The following LARP7 variants were observed in gnomAD, a reference collection of about 807,000 sequenced individuals.
LARP7 encodes la-related protein 7.
LARP7 carries 52 observed loss-of-function variants against 69.3 expected under a neutral mutation model. That is an observed-to-expected ratio of 0.75 (90% confidence interval 0.60 to 0.95). The LOEUF is 0.95. Among genes scored for constraint, LARP7 ranks in the 40% least tolerant of loss-of-function variants. The pLI, the probability that LARP7 is intolerant of heterozygous loss-of-function variation, is 0.00. For synonymous variants in LARP7, 254 were observed against 215.9 expected (o/e 1.18, Z -1.55); for missense variants, 733 against 673.0 (o/e 1.09, Z -0.99).
At position 112,646,345 on chromosome 4, in the gene LARP7, C is replaced by A. The variant is rs767567546; in HGVS notation, c.203-6C>A. 2 of 1,333,244 alleles carry A rather than the reference C, an allele frequency of 1.5e-6. No individual in the cohort carries two copies. Among genetic ancestry groups the A allele is most frequent in the Non-Finnish European group, 2.1e-6 (2 of 937,856 alleles). 82.6% of individuals were successfully genotyped at this position (1,333,244 alleles called of 1,614,324 possible). On this transcript the variant is annotated splice_region_variant and splice_polypyrimidine_tract_variant and intron_variant, in intron 2 of 12. Coordinates refer to ENST00000344442, the MANE Select transcript of LARP7 (RefSeq NM_016648.4). ...ACTAACATATTAACTTTTTCATTTTCTTTAGATGTTGATATATCACTACTT... is the reference window on the plus strand; with the variant it reads ...ACTAACATATTAACTTTTTCATTTTATTTAGATGTTGATATATCACTACTT...
rs1361326970 is a variant in LARP7, at chr4:112,646,692, C to T, written c.387+21C>T. On this transcript the variant is annotated intron_variant, in intron 4 of 12. Coordinates refer to ENST00000344442, the MANE Select transcript of LARP7 (RefSeq NM_016648.4). ...ATGTGGTAAGCTTAAGAACCCGGGT[C>T]CCCAGTCAGAAACTGGCACAGAAAC... 3.2e-6 allele frequency: 5 copies of T among 1,571,146 alleles called. No homozygotes were observed. In the South Asian group the frequency reaches 3.5e-5, roughly 11 times the overall value.
Position 112,647,510 on chromosome 4 carries a change from A to G in LARP7, c.958A>G (p.Ile320Val), listed in dbSNP as rs1194886433. Residue 320 changes from isoleucine (I) to valine (V), a missense_variant, in exon 7 of 13, where the codon ATC becomes GTC. Coordinates refer to ENST00000344442, the MANE Select transcript of LARP7 (RefSeq NM_016648.4). ...SKVKKIIQKD[I>V]IKEASEASKE... ...AGTAAAGAAAATTATTCAGAAAGAC[A>G]TCATTAAGGAAGCATCAGAAGCTTC... The G allele has an allele frequency of 4.3e-6, 7 of 1,612,686 alleles. No homozygotes were observed. The highest frequency in any genetic ancestry group is 1.7e-5 in the Admixed American group (1 of 59,790).
At chr4:112,649,931 A>G (rs1273065579) in intron 9 of LARP7, 2 of 272,348 alleles carry the variant, frequency 7.3e-6, no homozygotes, top group African/African-American at 2.3e-5. Context: ...TTCATCAAGC[A>G]CATGAGTGCA....
In LARP7 at chr4:112,644,810, G is replaced by T. The variant is rs373448853; in HGVS notation, c.141G>T (p.Gly47=). The change falls in exon 2 of 13, where the codon GGG becomes GGT. Residue 47 remains glycine, a synonymous_variant. Coordinates refer to ENST00000344442, the MANE Select transcript of LARP7 (RefSeq NM_016648.4). ...CTAAGCAAGTGGACTTCTGGTTTGGGGATGCAAATCTTCACAAGGATAGAT... is the reference window on the plus strand; with the variant it reads ...CTAAGCAAGTGGACTTCTGGTTTGGTGATGCAAATCTTCACAAGGATAGAT... ...DIAKQVDFWF[G]DANLHKDRFL... is the part of the protein sequence containing the mutation. 667 of 1,608,396 alleles carry T rather than the reference G, an allele frequency of 4.1e-4. No homozygotes were observed. Among genetic ancestry groups the T allele is most frequent in the South Asian group, 8.8e-4 (80 of 90,540 alleles).
chr4:112,640,823 C>T (rs1013443098), intron 1 of LARP7, among the ~76,000 whole-genome samples: 2 of 152,060 alleles, frequency 1.3e-5, no homozygotes, highest in Non-Finnish European at 2.9e-5. Context: ...TTAGATTGAG[C>T]GGAAAGAGGT....
intron 9 of LARP7, chr4:112,649,897 ATAAC>A (rs2048634077): frequency 3.0e-6 from 1 of 334,086 alleles, no homozygotes; most frequent in Non-Finnish European, 5.4e-6. Context: ...AATTTTTTAA[ATAAC>A]CTGAGTTTTC....
chr4:112,644,639 T>C (rs766005986), intron 1 of LARP7, 29 bp from the exon 2 acceptor site: 2 of 1,506,962 alleles, frequency 1.3e-6, no homozygotes, highest in Non-Finnish European at 9.1e-7. Flanking sequence ...GTGATTTAAA[T>C]ATTTACATCT....
Position 112,646,385 on chromosome 4 carries a change from A to C in LARP7, c.237A>C (p.Lys79Asn). The change falls in exon 3 of 13, where the codon AAA (lysine) becomes AAC (asparagine). Residue 79 changes from lysine (K) to asparagine (N), a missense_variant. By Grantham distance (94) the Lys-to-Asn change is moderately conservative. Transcript: ENST00000344442. ...VDISLLVSFN[K>N]MKKLTTDGKL... ...TATCACTACTTGTGTCTTTTAACAAAATGAAAAAATTGACTACTGATGGGA... is the reference window on the plus strand; with the variant it reads ...TATCACTACTTGTGTCTTTTAACAACATGAAAAAATTGACTACTGATGGGA... 6.3e-7 allele frequency: 1 copy of C among 1,596,024 alleles called. No individual in the cohort carries two copies. The highest frequency in any genetic ancestry group is 8.6e-7 in the Non-Finnish European group (1 of 1,164,996).
At chr4:112,641,214 C>T (rs976070988) in intron 1 of LARP7, among the ~76,000 whole-genome samples, 1 of 151,958 alleles carries the variant, frequency 6.6e-6, no homozygotes, top group East Asian at 1.9e-4. Flanking sequence ...GATGAAACCC[C>T]GTCTCTACTA....
chr4:112,646,386 A>C lies in LARP7; in HGVS notation c.238A>C (p.Met80Leu), dbSNP rs779730827. The C allele has an allele frequency of 7.5e-6, 12 of 1,596,978 alleles. No homozygotes were observed. In the African/African-American group the frequency reaches 1.5e-4, roughly 20 times the overall value. Reference sequence around the variant, plus strand: ...ATCACTACTTGTGTCTTTTAACAAAATGAAAAAATTGACTACTGATGGGAA... The same window carrying C: ...ATCACTACTTGTGTCTTTTAACAAACTGAAAAAATTGACTACTGATGGGAA... ...DISLLVSFNKMKKLTTDGKLI... is the reference protein window; with the variant it reads ...DISLLVSFNKLKKLTTDGKLI... Residue 80 changes from methionine (M) to leucine (L), a missense_variant, in exon 3 of 13, where the codon ATG becomes CTG. Physicochemically the swap from Met to Leu is conservative, Grantham distance 15. Transcript: ENST00000344442.
Position 112,644,865 on chromosome 4 carries a change from G to A in LARP7, c.196G>A (p.Asp66Asn). The A allele has an allele frequency of 6.4e-7, 1 of 1,563,456 alleles. No homozygotes were observed. The highest frequency in any genetic ancestry group is 8.7e-7 in the Non-Finnish European group (1 of 1,151,410). The change falls in exon 2 of 13, where the codon GAT becomes AAT. Residue 66 changes from aspartate to asparagine, a missense_variant. Coordinates refer to ENST00000344442, the MANE Select transcript of LARP7 (RefSeq NM_016648.4). The stretch of plus-strand genomic sequence containing the variant: ...TCGAGAACAGATAGAAAAATCTAGA[G>A]ATGGATGTAAGTTTGCTTCAGTAAA... The part of the protein sequence containing the change: ...FLREQIEKSR[D>N]GYVDISLLVS...
intron 10 of LARP7, among the ~76,000 whole-genome samples, chr4:112,651,190 C>G (rs938774924): frequency 6.6e-6 from 1 of 152,168 alleles, no homozygotes; most frequent in African/African-American, 2.4e-5. Context: ...GTGAAATGCT[C>G]TGTAACATAC....
Position 112,649,679 on chromosome 4 carries a change from T to A in LARP7, c.1287T>A (p.Asn429Lys), listed in dbSNP as rs1560943704. The stretch of plus-strand genomic sequence containing the variant: ...TACCTCAAAACACTGGAATGAAAAA[T>A]GAAAAAAGTAAAGATCACTGATAGT... ...SGVPQNTGMK[N>K]EKTANREECR... The change falls in exon 9 of 13, where the codon AAT becomes AAA. Residue 429 changes from asparagine to lysine, a missense_variant. Coordinates refer to ENST00000344442, the MANE Select transcript of LARP7 (RefSeq NM_016648.4). 5.0e-6 allele frequency: 8 copies of A among 1,584,424 alleles called. No homozygotes were observed. The Admixed American group carries it at 7.4e-5, about 15-fold the overall frequency.
At chr4:112,656,915 A>C (rs1355759801) in intron 12 of LARP7, among the ~76,000 whole-genome samples, 2 of 152,128 alleles carry the variant, frequency 1.3e-5, no homozygotes, top group Non-Finnish European at 2.9e-5. Flanking sequence ...TTTTTTCTCA[A>C]GGAAGCTTTT....
intron 6 of LARP7, 27 bp downstream of exon 6, chr4:112,647,154 G>C: frequency 2.5e-6 from 4 of 1,596,784 alleles, no homozygotes; most frequent in East Asian, 2.2e-5. Flanking sequence ...ATTTAAATAG[G>C]TGTAGTTGAA....
intron 12 of LARP7, among the ~76,000 whole-genome samples, chr4:112,656,397 CA>C (rs1299479943): frequency 2.0e-5 from 3 of 150,892 alleles, no homozygotes; most frequent in African/African-American, 7.3e-5. Context: ...GACTCTGTCT[CA>C]AAAAAACGAA....
At chr4:112,643,965 A>T (rs551230189) in intron 1 of LARP7, among the ~76,000 whole-genome samples, 39 of 150,916 alleles carry the variant, frequency 2.6e-4, no homozygotes, top group Non-Finnish European at 7.4e-5. Flanking sequence ...CAAAATTGCC[A>T]GGCGCGGCGG....
chr4:112,646,978 A>AG (rs1560931145), intron 5 of LARP7, 23 bp downstream of exon 5: 17 of 1,575,356 alleles, frequency 1.1e-5, no homozygotes, highest in Non-Finnish European at 1.5e-5. Flanking sequence ...CCTAAAAAAA[A>AG]AAAAAGAAAG....
intron 2 of LARP7, chr4:112,645,642 C>T (rs1484194301): frequency 2.2e-6 from 1 of 454,428 alleles, no homozygotes; most frequent in South Asian, 1.6e-5. Flanking sequence ...CCATCAGCCT[C>T]CCCAGTAGCT....
Sources: gnomAD v4.1 joint callset for allele counts (sites outside exome capture counted in the v4.1 genomes callset) on GRCh38, gnomAD v4.1.1 for gene constraint, MANE v1.5 for transcripts, NCBI Gene and HGNC (gene_info 2026-07-23, HGNC 2026-07-21) for gene names.